Variants in ENOX2 observed in about 807,000 individuals in gnomAD.
ENOX2 encodes ecto-NOX disulfide-thiol exchanger 2.
A neutral mutation model predicts 45.0 loss-of-function variants in ENOX2; 36 were observed. That is an observed-to-expected ratio of 0.80 (90% CI 0.61 to 1.06). The LOEUF is 1.06. Ranked by LOEUF, ENOX2 falls within the 50% of genes least tolerant of loss-of-function variation. The pLI is 0.00. For synonymous variants in ENOX2, 174 were observed against 152.3 expected (o/e 1.14, Z -1.05); for missense variants, 423 against 462.5 (o/e 0.91, Z 0.78).
intron 2 of ENOX2, among the ~76,000 whole-genome samples, chrX:130,880,305 C>T (rs979643581): frequency 1.8e-5 from 2 of 111,535 alleles, no homozygotes; most frequent in African/African-American, 3.3e-5. Flanking sequence ...ATATAGTTTC[C>T]ATAGATAACA....
intron 2 of ENOX2, among the ~76,000 whole-genome samples, chrX:130,852,577 T>C (rs1420925051): frequency 4.5e-5 from 5 of 112,048 alleles, no homozygotes. Context: ...TGGCTTTAAA[T>C]GAAATGAAGA....
chrX:130,634,045 G>A (rs1205058290), intron 12 of ENOX2, among the ~76,000 whole-genome samples: 1 of 112,035 alleles, frequency 8.9e-6, no homozygotes, highest in African/African-American at 3.2e-5. Flanking sequence ...CTACACCAAG[G>A]TTGCCAGTTC....
Position 130,636,347 on chromosome X carries a change from T to C in ENOX2, c.1311+882A>G, listed in dbSNP as rs1306625179. Among the ~76,000 whole-genome samples, 5 of 112,643 alleles carry C rather than the reference T, an allele frequency of 4.4e-5. No individual in the cohort carries two copies. The East Asian group carries it at 1.4e-3, about 31-fold the overall frequency. ...TAACATAGGGTTCCTAGTGCCAGAATAGACTGCTGTTCATGATTTGTAATT... is the reference window on the plus strand; with the variant it reads ...TAACATAGGGTTCCTAGTGCCAGAACAGACTGCTGTTCATGATTTGTAATT... On this transcript the variant is annotated intron_variant, in intron 11 of 14. Transcript: ENST00000394363.
intron 3 of ENOX2, among the ~76,000 whole-genome samples, chrX:130,727,384 AATCCTC>A (rs894390193): frequency 1.8e-5 from 2 of 111,974 alleles, no homozygotes; most frequent in Admixed American, 1.9e-4. Context: ...ACTAACGCCA[AATCCTC>A]ATACCATTCT....
chrX:130,632,989 G>C lies in ENOX2; in HGVS notation c.1420-1413C>G, dbSNP rs145878352. Reference sequence around the variant, plus strand: ...GTTTAACAGATTGGGGTTGATTTAAGATGTGAAAATATTCTGGGAAGTTTT... The same window carrying C: ...GTTTAACAGATTGGGGTTGATTTAACATGTGAAAATATTCTGGGAAGTTTT... On this transcript the variant is annotated intron_variant, in intron 12 of 14. Coordinates refer to ENST00000394363, the MANE Select transcript of ENOX2 (RefSeq NM_006375.4). 1.5e-3 allele frequency among the ~76,000 whole-genome samples: 167 copies of C among 112,253 alleles called. 1 individual carries two copies. The highest frequency in any genetic ancestry group is 5.1e-3 in the African/African-American group (159 of 30,948).
intron 11 of ENOX2, among the ~76,000 whole-genome samples, chrX:130,636,107 T>A (rs768064699): frequency 7.9e-4 from 88 of 111,913 alleles, no homozygotes; most frequent in Non-Finnish European, 1.5e-3. Flanking sequence ...TTAAAAAGCA[T>A]GATACAATGT....
At position 130,632,002 on chromosome X, in the gene ENOX2, C is replaced by G. The variant is rs182990254; in HGVS notation, c.1420-426G>C. On this transcript the variant is annotated intron_variant, in intron 12 of 14. Transcript: ENST00000394363. ...AAGGAAGTGGAGCCAGGATTTCATC[C>G]CACTGTTAAAAGGACCATTGTTTTT... Among the ~76,000 whole-genome samples the G allele has an allele frequency of 2.2e-3, 238 of 110,564 alleles. 1 individual carries two copies. The highest frequency in any genetic ancestry group is 4.7e-3 in the Middle Eastern group (1 of 214).
intron 5 of ENOX2, among the ~76,000 whole-genome samples, chrX:130,686,153 T>C (rs2037442628): frequency 1.8e-5 from 2 of 110,754 alleles, no homozygotes; most frequent in Non-Finnish European, 3.8e-5. Context: ...ATTGATATGG[T>C]TCGGCCCTGT....
At chrX:130,894,652 T>C (rs182185487) in intron 2 of ENOX2, among the ~76,000 whole-genome samples, 65 of 111,131 alleles carry the variant, frequency 5.8e-4, no homozygotes, top group Non-Finnish European at 1.0e-3. Flanking sequence ...AGTGCAATCA[T>C]GTTACTCCTC....
chrX:130,878,537 C>T (rs998650136), intron 2 of ENOX2, among the ~76,000 whole-genome samples: 1 of 111,502 alleles, frequency 9.0e-6, no homozygotes, highest in Non-Finnish European at 1.9e-5. Context: ...GCCGTGAGTG[C>T]CAATATTCAC....
chrX:130,670,527 A>G (rs931825425), intron 6 of ENOX2, among the ~76,000 whole-genome samples: 7 of 110,945 alleles, frequency 6.3e-5, no homozygotes, highest in Admixed American at 1.9e-4. Flanking sequence ...GGGTAATAGT[A>G]TCAAGCATGA....
At chrX:130,769,868 TTTTA>T (rs2039698501) in intron 3 of ENOX2, among the ~76,000 whole-genome samples, 1 of 112,608 alleles carries the variant, frequency 8.9e-6, no homozygotes, top group Non-Finnish European at 1.9e-5. Flanking sequence ...TTAGCAAACT[TTTTA>T]TTTCTTAGAG....
chrX:130,735,421 T>C (rs912417002), intron 3 of ENOX2, among the ~76,000 whole-genome samples: 2 of 112,054 alleles, frequency 1.8e-5, no homozygotes, highest in Admixed American at 9.4e-5. Context: ...GCAAAGCTGT[T>C]ATTTAATGAT....
intron 2 of ENOX2, among the ~76,000 whole-genome samples, chrX:130,885,716 T>C (rs2078891264): frequency 1.8e-5 from 2 of 112,344 alleles, no homozygotes; most frequent in South Asian, 3.7e-4. Flanking sequence ...TCTTCCCAGA[T>C]ATAGTAATTC....
chrX:130,775,202 G>A (rs1394898912), intron 3 of ENOX2, among the ~76,000 whole-genome samples: 2 of 110,402 alleles, frequency 1.8e-5, no homozygotes, highest in African/African-American at 3.3e-5. Flanking sequence ...GCAACCTGGC[G>A]AAACCCCGTC....
chrX:130,631,764 G>A (rs1488227116), intron 12 of ENOX2, among the ~76,000 whole-genome samples, 188 bp from the exon 13 acceptor site: 1 of 110,424 alleles, frequency 9.1e-6, no homozygotes, highest in Non-Finnish European at 1.9e-5. Context: ...TTATTTATAG[G>A]GCTCCAAAAC....
At chrX:130,709,621 G>C (rs2038128916) in intron 3 of ENOX2, among the ~76,000 whole-genome samples, 1 of 88,905 alleles carries the variant, frequency 1.1e-5, no homozygotes, top group Non-Finnish European at 2.1e-5. Context: ...CTGGGCAACA[G>C]AGTGAGACTC....
intron 9 of ENOX2, among the ~76,000 whole-genome samples, chrX:130,664,617 G>A (rs1434203136): frequency 9.0e-6 from 1 of 111,554 alleles, no homozygotes; most frequent in Non-Finnish European, 1.9e-5. Flanking sequence ...TTATTGTCTC[G>A]AATTTACAGG....
chrX:130,855,748 GCT>G (rs933954063), intron 2 of ENOX2, among the ~76,000 whole-genome samples: 14 of 111,579 alleles, frequency 1.3e-4, no homozygotes. Context: ...TTAAACTTTT[GCT>G]CTGTCAGAGA....
Sources: gnomAD v4.1 joint callset for allele counts (sites outside exome capture counted in the v4.1 genomes callset) on GRCh38, gnomAD v4.1.1 for gene constraint, MANE v1.5 for transcripts, NCBI Gene and HGNC (gene_info 2026-07-23, HGNC 2026-07-21) for gene names.